IWS1: variants seen among roughly 807,000 people sequenced by gnomAD.
The protein encoded by IWS1 is interacts with SUPT6H, CTD assembly factor 1.
In IWS1, 27 loss-of-function variants were observed where a neutral mutation model predicts 86.7. The observed-to-expected ratio is 0.31, with a 90% CI of 0.23 to 0.43. The LOEUF (loss-of-function observed/expected upper bound fraction) is 0.43. IWS1 is among the 20% of genes least tolerant of loss of function. The pLI is 1.00. For synonymous variants in IWS1, 313 were observed against 335.1 expected (o/e 0.93, Z 0.72); for missense variants, 827 against 1,000.8 (o/e 0.83, Z 2.34).
chr2:127,508,080 G>A lies in IWS1; in HGVS notation c.151-2328C>T, dbSNP rs13428693. On this transcript the variant is annotated intron_variant, in intron 2 of 13. Coordinates refer to ENST00000295321, the MANE Select transcript of IWS1 (RefSeq NM_017969.3). Reference sequence around the variant, plus strand: ...GCATTTTGGATAAGGGATACTCAACGTGTATTTGTTAAATGAGTAATAAAG... The same window carrying A: ...GCATTTTGGATAAGGGATACTCAACATGTATTTGTTAAATGAGTAATAAAG... 3.8e-3 allele frequency among the ~76,000 whole-genome samples: 578 copies of A among 152,250 alleles called. 4 individuals are homozygous for A. Among genetic ancestry groups the A allele is most frequent in the African/African-American group, 0.013 (542 of 41,526 alleles).
intron 13 of IWS1, among the ~76,000 whole-genome samples, chr2:127,484,854 G>A (rs1322231876): frequency 2.0e-5 from 3 of 152,126 alleles, no homozygotes; most frequent in South Asian, 2.1e-4. Context: ...AAAATTAGCC[G>A]AGCATGGTGG....
intron 3 of IWS1, 141 bp downstream of exon 3, chr2:127,504,543 T>A (rs995064118): frequency 1.5e-6 from 1 of 664,882 alleles, no homozygotes; most frequent in African/African-American, 1.8e-5. Flanking sequence ...CCAGGGGAAA[T>A]GAGTGTCCTA....
At chr2:127,485,113 G>A (rs1282826450) in intron 13 of IWS1, among the ~76,000 whole-genome samples, 1 of 151,884 alleles carries the variant, frequency 6.6e-6, no homozygotes, top group African/African-American at 2.4e-5. Context: ...AGGAGGGAGA[G>A]AGAGAGGAGG....
rs570613690 is a variant in IWS1, at chr2:127,503,729, G to A, written c.1220-153C>T. On this transcript the variant is annotated intron_variant, in intron 3 of 13. Coordinates refer to ENST00000295321, the MANE Select transcript of IWS1 (RefSeq NM_017969.3). ...ATAAAATAAAATCAGAGGGCCTCCTGACACATGGTTTAGAATTTTTAAAAT... is the reference window on the plus strand; with the variant it reads ...ATAAAATAAAATCAGAGGGCCTCCTAACACATGGTTTAGAATTTTTAAAAT... 1.3e-3 allele frequency among the ~76,000 whole-genome samples: 191 copies of A among 151,226 alleles called. 2 individuals carry two copies. The highest frequency in any genetic ancestry group is 3.8e-3 in the African/African-American group (156 of 40,716).
chr2:127,507,127 A>G lies in IWS1; in HGVS notation c.151-1375T>C, dbSNP rs1389385266. 2.6e-5 allele frequency among the ~76,000 whole-genome samples: 4 copies of G among 152,224 alleles called. No individual in the cohort carries two copies. The East Asian group carries it at 7.7e-4, about 29-fold the overall frequency. ...GACCAAAGAGCCTTTAATAATATAT[A>G]TGCCCAACATCATGCTATGAAACAG... On this transcript the variant is annotated intron_variant, in intron 2 of 13. Transcript: ENST00000295321.
chr2:127,526,065 G>A (rs1244552723), intron 1 of IWS1, 110 bp downstream of exon 1: 4 of 1,065,704 alleles, frequency 3.8e-6, no homozygotes, highest in East Asian at 2.6e-5. Context: ...CCGGGTCGCG[G>A]GAGGGAAGGT....
chr2:127,480,876 T>C lies in IWS1; in HGVS notation c.*168A>G. ...ATGACTAGTATTCCTTTGTACAAAG[T>C]ACACAACGGTTTTAAATATAACTGA... On this transcript the variant is annotated 3_prime_UTR_variant, in exon 14 of 14. Transcript: ENST00000295321. 1.5e-6 allele frequency: 1 copy of C among 675,400 alleles called. No homozygotes were observed. Among genetic ancestry groups the C allele is most frequent in the East Asian group, 2.9e-5 (1 of 34,156 alleles). The allele number at this position is 675,400 out of a possible 1,614,324, so 41.8% of individuals were successfully genotyped here. A position where few individuals can be genotyped will look rare whatever the true frequency, so the allele number is the denominator to read the frequency against.
intron 12 of IWS1, chr2:127,487,905 A>G (rs1690013516): frequency 6.6e-6 from 1 of 152,286 alleles, no homozygotes; most frequent in Non-Finnish European, 1.5e-5. Flanking sequence ...TGGCTTGCCA[A>G]GAAAATTCCC....
At position 127,484,724 on chromosome 2, in the gene IWS1, A is replaced by G. The variant is rs1689832874; in HGVS notation, c.2328+1829T>C. The G allele has an allele frequency of 2.0e-5, 3 of 152,186 alleles. 1 individual carries two copies. In the South Asian group the frequency reaches 6.2e-4, roughly 32 times the overall value. The allele number at this position is 152,186 out of a possible 1,614,324, so 9.4% of individuals were successfully genotyped here. A position where few individuals can be genotyped will look rare whatever the true frequency, so the allele number is the denominator to read the frequency against. ...GCTAAAAAGAGAGAAGAAACAATGA[A>G]AAAGGAGATGGCTCATGCCTGTAAT... On this transcript the variant is annotated intron_variant, in intron 13 of 13. Coordinates refer to ENST00000295321, the MANE Select transcript of IWS1 (RefSeq NM_017969.3).
chr2:127,509,618 G>C (rs1168549324), intron 2 of IWS1, among the ~76,000 whole-genome samples: 1 of 133,782 alleles, frequency 7.5e-6, no homozygotes, highest in Non-Finnish European at 1.5e-5. Context: ...TGAGGCAGGA[G>C]AATCACTTGA....
chr2:127,517,060 C>T (rs1243933319), intron 2 of IWS1, among the ~76,000 whole-genome samples: 4 of 151,970 alleles, frequency 2.6e-5, no homozygotes, highest in Non-Finnish European at 4.4e-5. Flanking sequence ...ACAAAGAAAT[C>T]GAACATGTAT....
chr2:127,523,837 G>A, intron 1 of IWS1, 46 bp from the exon 2 acceptor site: 1 of 1,262,198 alleles, frequency 7.9e-7, no homozygotes, highest in Non-Finnish European at 1.1e-6. Context: ...TAAGATGAAT[G>A]ACATCTACAG....
chr2:127,509,609 G>A (rs568222946), intron 2 of IWS1, among the ~76,000 whole-genome samples: 20 of 148,572 alleles, frequency 1.3e-4, no homozygotes, highest in African/African-American at 5.0e-4. Flanking sequence ...TTGAGAGGCT[G>A]AGGCAGGAGA....
Position 127,492,028 on chromosome 2 carries a change from G to A in IWS1, c.1990C>T (p.Leu664Phe). The change falls in exon 10 of 14, where the codon CTC (leucine) becomes TTC (phenylalanine). Residue 664 changes from leucine (L) to phenylalanine (F), a missense_variant. This residue lies in a region of IWS1 where 279 missense variants were observed against 440.6 expected (regional missense o/e 0.63). Coordinates refer to ENST00000295321, the MANE Select transcript of IWS1 (RefSeq NM_017969.3). ...HSGIGRAVMY[L>F]YKHPKESRSN... ...CTTGACTCCTTGGGGTGTTTATAGA[G>A]ATACATCACTGCTCGTCCAATCCCA... 6.2e-7 allele frequency: 1 copy of A among 1,614,040 alleles called. No individual in the cohort carries two copies. Among genetic ancestry groups the A allele is most frequent in the Non-Finnish European group, 8.5e-7 (1 of 1,179,940 alleles).
chr2:127,509,973 G>A (rs1036908437), intron 2 of IWS1, among the ~76,000 whole-genome samples: 11 of 152,068 alleles, frequency 7.2e-5, no homozygotes, highest in South Asian at 2.1e-4. Flanking sequence ...GTATTATATC[G>A]TCAAATGGAA....
chr2:127,502,179 G>A (rs1418982551), intron 5 of IWS1, among the ~76,000 whole-genome samples: 1 of 152,164 alleles, frequency 6.6e-6, no homozygotes, highest in Admixed American at 6.5e-5. Context: ...TCTGAGCAAA[G>A]GCTATTTTAT....
intron 9 of IWS1, among the ~76,000 whole-genome samples, chr2:127,492,453 G>A (rs1384352384): frequency 6.6e-6 from 1 of 152,082 alleles, no homozygotes; most frequent in African/African-American, 2.4e-5. Flanking sequence ...GGCTGAGGCA[G>A]GAGAATCGCT....
In IWS1 at chr2:127,498,348, T is replaced by C. The variant is rs79439572; in HGVS notation, c.1468-111A>G. On this transcript the variant is annotated intron_variant, in intron 5 of 13. Coordinates refer to ENST00000295321, the MANE Select transcript of IWS1 (RefSeq NM_017969.3). ...TCACAAAGAACAAAAATTCAATAGA[T>C]ATCAAAAGGTACATAACAAAAGGTC... 2.0e-3 allele frequency: 1,972 copies of C among 976,034 alleles called. 27 individuals carry two copies. The African/African-American group carries it at 0.029, about 14-fold the overall frequency. 60.5% of individuals were successfully genotyped at this position (976,034 alleles called of 1,614,324 possible).
intron 10 of IWS1, among the ~76,000 whole-genome samples, 179 bp downstream of exon 10, chr2:127,491,792 G>GT (rs113115983): frequency 9.4e-4 from 142 of 151,630 alleles, no homozygotes; most frequent in African/African-American, 2.9e-3. Context: ...TTATATTGAG[G>GT]TTTTTTTTTA....
Sources: gnomAD v4.1 joint callset for allele counts (sites outside exome capture counted in the v4.1 genomes callset) on GRCh38, gnomAD v4.1.1 for gene constraint, gnomAD v4.1.1 regional missense constraint, MANE v1.5 for transcripts, NCBI Gene and HGNC (gene_info 2026-07-23, HGNC 2026-07-21) for gene names.